CNTN3: variants seen among roughly 807,000 people sequenced by gnomAD.
CNTN3 encodes the protein contactin-3.
A neutral mutation model predicts 119.1 loss-of-function variants in CNTN3; 60 were observed. The observed-to-expected ratio is 0.50, with a 90% CI of 0.41 to 0.62. The LOEUF is 0.62. Among genes scored for constraint, CNTN3 ranks in the 20% least tolerant of loss-of-function variants. The pLI is 0.00. For missense variants in CNTN3, 1,101 were observed against 1,242.4 expected (o/e 0.89, Z 1.71); for synonymous variants, 450 against 438.7 (o/e 1.03, Z -0.32).
Position 74,267,250 on chromosome 3 carries a change from A to G in CNTN3, c.2817+16T>C, listed in dbSNP as rs1228378817. ...CAAAATTACGAAAATGAAGCATTGCAAATGAGAAAACTTACTTTATATCCT... is the reference window on the plus strand; with the variant it reads ...CAAAATTACGAAAATGAAGCATTGCGAATGAGAAAACTTACTTTATATCCT... On this transcript the variant is annotated intron_variant, in intron 21 of 22. Coordinates refer to ENST00000263665, the MANE Select transcript of CNTN3 (RefSeq NM_020872.3). 6.4e-7 allele frequency: 1 copy of G among 1,558,246 alleles called. No individual in the cohort carries two copies.
At chr3:74,467,208 T>C (rs1421814795) in intron 4 of CNTN3, among the ~76,000 whole-genome samples, 1 of 152,048 alleles carries the variant, frequency 6.6e-6, no homozygotes, top group Admixed American at 6.6e-5. Context: ...AAAAAAATGA[T>C]ATTGGATATC....
At chr3:74,433,099 A>G (rs1042640216) in intron 4 of CNTN3, among the ~76,000 whole-genome samples, 4 of 152,116 alleles carry the variant, frequency 2.6e-5, no homozygotes, top group Non-Finnish European at 5.9e-5. Flanking sequence ...CGAAATTGCT[A>G]CTGCAGTCAA....
chr3:74,563,491 G>T (rs1177392456), intron 1 of CNTN3, among the ~76,000 whole-genome samples: 9 of 152,114 alleles, frequency 5.9e-5, no homozygotes, highest in Admixed American at 4.6e-4. Context: ...TTTACTGGTC[G>T]AGTGGGCTTT....
At chr3:74,366,136 C>T (rs995853094) in intron 8 of CNTN3, among the ~76,000 whole-genome samples, 22 of 152,134 alleles carry the variant, frequency 1.4e-4, no homozygotes, top group African/African-American at 4.8e-4. Context: ...TAAAAATTAA[C>T]ATCCATAGGA....
rs186338500 is a variant in CNTN3, at chr3:74,493,977, T to C, written c.182+5682A>G. On this transcript the variant is annotated intron_variant, in intron 3 of 22. Coordinates refer to ENST00000263665, the MANE Select transcript of CNTN3 (RefSeq NM_020872.3). ...ACATAAAACAGATTAGAGAGCCACA[T>C]TGGGATTAAAAACAACTGTTCACTT... Among the ~76,000 whole-genome samples the C allele has an allele frequency of 5.9e-5, 9 of 152,292 alleles. No individual in the cohort carries two copies. The East Asian group carries it at 7.7e-4, about 13-fold the overall frequency.
At chr3:74,300,346 A>G (rs1006347578) in intron 16 of CNTN3, among the ~76,000 whole-genome samples, 2 of 152,188 alleles carry the variant, frequency 1.3e-5, no homozygotes, top group African/African-American at 4.8e-5. Flanking sequence ...AGGATGACCC[A>G]GACTCAAACC....
chr3:74,519,043 T>C (rs955322548), intron 2 of CNTN3, among the ~76,000 whole-genome samples: 3 of 151,864 alleles, frequency 2.0e-5, no homozygotes, highest in Non-Finnish European at 2.9e-5. Context: ...GTATGATCTG[T>C]AGTCTCAATT....
intron 1 of CNTN3, among the ~76,000 whole-genome samples, chr3:74,523,648 A>G (rs1703574877): frequency 6.6e-6 from 1 of 151,910 alleles, no homozygotes; most frequent in Admixed American, 6.6e-5. Flanking sequence ...GAATTTCAGG[A>G]AAGGAAGGGG....
chr3:74,320,011 G>C (rs1702945411), intron 13 of CNTN3, among the ~76,000 whole-genome samples: 1 of 152,162 alleles, frequency 6.6e-6, no homozygotes, highest in Non-Finnish European at 1.5e-5. Flanking sequence ...TAAAAAGTCA[G>C]GAAAGAACAG....
chr3:74,590,646 G>C (rs1007313302), intron 1 of CNTN3, among the ~76,000 whole-genome samples: 2 of 152,012 alleles, frequency 1.3e-5, no homozygotes, highest in Non-Finnish European at 2.9e-5. Flanking sequence ...CAATGCAATT[G>C]CCATATGGCT....
At chr3:74,366,587 A>T (rs187215910) in intron 8 of CNTN3, among the ~76,000 whole-genome samples, 126 of 151,880 alleles carry the variant, frequency 8.3e-4, no homozygotes, top group Non-Finnish European at 9.6e-4. Context: ...TGCATCCTCC[A>T]TATGGAGAAA....
intron 1 of CNTN3, among the ~76,000 whole-genome samples, chr3:74,588,926 C>A (rs1391802874): frequency 6.6e-6 from 1 of 151,352 alleles, no homozygotes; most frequent in African/African-American, 2.4e-5. Flanking sequence ...AAACTGGATC[C>A]CTTCCTTACA....
chr3:74,475,070 G>C (rs1292174026), intron 4 of CNTN3, among the ~76,000 whole-genome samples: 1 of 152,074 alleles, frequency 6.6e-6, no homozygotes, highest in African/African-American at 2.4e-5. Flanking sequence ...AAATTACCCA[G>C]TCTCAGGTAT....
chr3:74,381,086 TCA>T (rs1364214233), intron 5 of CNTN3, among the ~76,000 whole-genome samples: 7 of 144,844 alleles, frequency 4.8e-5, no homozygotes, highest in East Asian at 4.0e-4. Flanking sequence ...TCTCTCTCTC[TCA>T]CACACACACA....
intron 5 of CNTN3, among the ~76,000 whole-genome samples, chr3:74,408,655 C>A (rs1701383565): frequency 6.6e-6 from 1 of 151,966 alleles, no homozygotes; most frequent in Non-Finnish European, 1.5e-5. Context: ...TTGTATTAAA[C>A]CTTTGTAATT....
chr3:74,408,144 G>C (rs1304422665), intron 5 of CNTN3, among the ~76,000 whole-genome samples: 1 of 152,148 alleles, frequency 6.6e-6, no homozygotes, highest in Non-Finnish European at 1.5e-5. Context: ...CTCCACTGTG[G>C]GACGGTGCAA....
At chr3:74,555,080 A>G (rs1704049085) in intron 1 of CNTN3, among the ~76,000 whole-genome samples, 1 of 152,214 alleles carries the variant, frequency 6.6e-6, no homozygotes, top group Non-Finnish European at 1.5e-5. Context: ...ATATTGAGAT[A>G]CGTTCAATCG....
At chr3:74,528,174 A>T (rs1703646047) in intron 1 of CNTN3, among the ~76,000 whole-genome samples, 1 of 151,878 alleles carries the variant, frequency 6.6e-6, no homozygotes. Context: ...AAGGGTATGT[A>T]GATTTTCCTT....
intron 1 of CNTN3, among the ~76,000 whole-genome samples, chr3:74,551,082 A>G (rs148928664): frequency 1.3e-5 from 2 of 152,318 alleles, no homozygotes; most frequent in South Asian, 2.1e-4. Flanking sequence ...TAGAAGGTGC[A>G]GTAATTCATC....
Sources: allele counts gnomAD v4.1 joint callset (sites outside exome capture counted in the v4.1 genomes callset), GRCh38; gene constraint gnomAD v4.1.1; transcripts MANE v1.5; gene names NCBI Gene and HGNC (gene_info 2026-07-23, HGNC 2026-07-21).